The following CFLAR variants were observed in gnomAD, a reference collection of about 807,000 sequenced individuals.
CFLAR encodes the protein CASP8 and FADD-like apoptosis regulator.
A neutral mutation model predicts 51.1 loss-of-function variants in CFLAR; 14 were observed. The ratio of observed to expected loss-of-function variants is 0.27; its 90% CI spans 0.18 to 0.43. The LOEUF (loss-of-function observed/expected upper bound fraction) is 0.43. Among genes scored for constraint, CFLAR ranks in the 20% least tolerant of loss-of-function variants. The probability of loss-of-function intolerance (pLI) is 1.00; values close to 1 mark genes in which losing one functional copy is unlikely to be tolerated. For synonymous variants in CFLAR, 210 were observed against 211.6 expected, an observed-to-expected ratio of 0.99 and a Z score of 0.06; for missense variants, 390 against 566.5, an observed-to-expected ratio of 0.69 and a Z score of 3.16.
intron 1 of CFLAR, among the ~76,000 whole-genome samples, chr2:201,127,698 C>G (rs1158323032): frequency 6.6e-6 from 1 of 152,166 alleles, no homozygotes; most frequent in Non-Finnish European, 1.5e-5. Context: ...TTTGTTGCAT[C>G]TGAGTGGGCT....
At position 201,171,512 on chromosome 2, in the gene CFLAR, C is replaced by T. The variant is rs116616115; in HGVS notation, c.*7539C>T. ...CTGGGGCCTGATGCAGGGGCCGTAG[C>T]GGGGAGAGCATCAGGATAACTAGCT... On this transcript the variant is annotated 3_prime_UTR_variant, in exon 10 of 10. Transcript: ENST00000309955. 4,584 of 152,052 alleles carry T rather than the reference C, an allele frequency of 0.03. 110 individuals carry two copies. Among genetic ancestry groups the T allele is most frequent in the Middle Eastern group, 0.085 (25 of 294 alleles). The allele number at this position is 152,052 out of a possible 1,614,324, so 9.4% of individuals were successfully genotyped here.
At chr2:201,149,104 C>T in intron 7 of CFLAR, 52 bp downstream of exon 7, 1 of 1,210,168 alleles carries the variant, frequency 8.3e-7, no homozygotes, top group Non-Finnish European at 1.2e-6. Flanking sequence ...CTGTGGATAA[C>T]CCTGACTTCT....
intron 1 of CFLAR, among the ~76,000 whole-genome samples, chr2:201,119,839 GTT>G (rs35011582): frequency 5.8e-5 from 7 of 120,770 alleles, no homozygotes; most frequent in South Asian, 2.5e-4. Flanking sequence ...TCAGTTTAAT[GTT>G]TTTTTTTTTT....
intron 5 of CFLAR, among the ~76,000 whole-genome samples, chr2:201,140,983 C>A (rs1202574731): frequency 6.6e-6 from 1 of 152,090 alleles, no homozygotes; most frequent in Non-Finnish European, 1.5e-5. Context: ...GTAATCCCAG[C>A]ACTTTGGGAG....
Position 201,138,428 on chromosome 2 carries a change from A to G in CFLAR, c.524-1929A>G, listed in dbSNP as rs991256428. 2 of 808,740 alleles carry G rather than the reference A, an allele frequency of 2.5e-6. No individual in the cohort carries two copies. Among genetic ancestry groups the G allele is most frequent in the Non-Finnish European group, 4.4e-6 (2 of 451,720 alleles). The allele number at this position is 808,740 out of a possible 1,614,324, so 50.1% of individuals were successfully genotyped here. A position where few individuals can be genotyped will look rare whatever the true frequency, so the allele number is the denominator to read the frequency against. Reference sequence around the variant, plus strand: ...CACCAGCTCATCGCGATCATTGACGATAGGCAGCTTCCTTTCTTACTAAGC... The same window carrying G: ...CACCAGCTCATCGCGATCATTGACGGTAGGCAGCTTCCTTTCTTACTAAGC... On this transcript the variant is annotated intron_variant, in intron 4 of 9. Transcript: ENST00000309955. The surrounding 1 kb of genome is among the most constrained non-coding windows in gnomAD (Gnocchi z 4.0).
chr2:201,148,996 C>T lies in CFLAR; in HGVS notation c.662-7C>T, dbSNP rs1192368596. On this transcript the variant is annotated splice_polypyrimidine_tract_variant and splice_region_variant and intron_variant, in intron 6 of 9. Transcript: ENST00000309955. ...TTTGTAAATGGTTTCTCTCTCTCATCCCCCAGAAGAACCAGTGAAGAAATC... is the reference window on the plus strand; with the variant it reads ...TTTGTAAATGGTTTCTCTCTCTCATTCCCCAGAAGAACCAGTGAAGAAATC... The T allele has an allele frequency of 2.5e-6, 4 of 1,609,372 alleles. No homozygotes were observed. The highest frequency in any genetic ancestry group is 3.3e-5 in the Admixed American group (2 of 60,004).
Position 201,173,534 on chromosome 2 carries a change from G to T in CFLAR, c.*9561G>T, listed in dbSNP as rs1182299734. Reference sequence around the variant, plus strand: ...TTTTTGTATTTTTAGTAAAGACAGGGTTTCACCATGTTGGCCAGGCTGGTC... The same window carrying T: ...TTTTTGTATTTTTAGTAAAGACAGGTTTTCACCATGTTGGCCAGGCTGGTC... On this transcript the variant is annotated 3_prime_UTR_variant, in exon 10 of 10. Coordinates refer to ENST00000309955, the MANE Select transcript of CFLAR (RefSeq NM_003879.7). The T allele has an allele frequency of 6.6e-6, 1 of 152,214 alleles. No homozygotes were observed. The highest frequency in any genetic ancestry group is 1.9e-4 in the East Asian group (1 of 5,200). 9.4% of individuals were successfully genotyped at this position (152,214 alleles called of 1,614,324 possible).
At position 201,161,744 on chromosome 2, in the gene CFLAR, T is replaced by C. The variant is rs13406993; in HGVS notation, c.1304+802T>C. Among the ~76,000 whole-genome samples, 548 of 57,536 alleles carry C rather than the reference T, an allele frequency of 9.5e-3. 14 individuals are homozygous for C. Among genetic ancestry groups the C allele is most frequent in the Non-Finnish European group, 0.014 (335 of 23,940 alleles). The allele number at this position is 57,536 out of a possible 152,430, so 37.7% of individuals were successfully genotyped here. A position where few individuals can be genotyped will look rare whatever the true frequency, so the allele number is the denominator to read the frequency against. ...ATTTTTATTTTTAATTTTTCTTTTT[T>C]TTTTTTTTTTTTTTTTTTTGAGACA... On this transcript the variant is annotated intron_variant, in intron 9 of 9. Transcript: ENST00000309955.
At chr2:201,149,292 C>T (rs1224123113) in intron 7 of CFLAR, 3 of 423,382 alleles carry the variant, frequency 7.1e-6, no homozygotes, top group Non-Finnish European at 1.3e-5. Flanking sequence ...CATCTCAACT[C>T]AGTGACTGCT....
At chr2:201,130,855 C>A (rs528153632) in intron 2 of CFLAR, among the ~76,000 whole-genome samples, 3 of 152,114 alleles carry the variant, frequency 2.0e-5, no homozygotes, top group Non-Finnish European at 4.4e-5. Context: ...TGAAGTCAGT[C>A]CTTGATAATT....
Position 201,175,270 on chromosome 2 carries a change from C to G in CFLAR, c.*11297C>G, listed in dbSNP as rs1181122960. ...CATGCTCTTGAATTCTTTCCTGAAC[C>G]CACTTGACCTCTTGGGCTGAGCCTT... On this transcript the variant is annotated 3_prime_UTR_variant, in exon 10 of 10. Coordinates refer to ENST00000309955, the MANE Select transcript of CFLAR (RefSeq NM_003879.7). 6.6e-6 allele frequency: 1 copy of G among 152,150 alleles called. No homozygotes were observed. Among genetic ancestry groups the G allele is most frequent in the African/African-American group, 2.4e-5 (1 of 41,420 alleles). The allele number at this position is 152,150 out of a possible 1,614,324, so 9.4% of individuals were successfully genotyped here. A position where few individuals can be genotyped will look rare whatever the true frequency, so the allele number is the denominator to read the frequency against.
rs1944000763 is a variant in CFLAR, at chr2:201,171,382, C to T, written c.*7409C>T. On this transcript the variant is annotated 3_prime_UTR_variant, in exon 10 of 10. Transcript: ENST00000309955. ...GGATGAAGCTGGAAGCCATTATCCT[C>T]AGCAAACTAACAGAGGAGCAGGAAA... The T allele has an allele frequency of 6.6e-6, 1 of 152,054 alleles. No homozygotes were observed. Among genetic ancestry groups the T allele is most frequent in the Admixed American group, 6.6e-5 (1 of 15,258 alleles). 9.4% of individuals were successfully genotyped at this position (152,054 alleles called of 1,614,324 possible).
At chr2:201,158,240 C>A (rs1177162723) in intron 8 of CFLAR, among the ~76,000 whole-genome samples, 1 of 152,180 alleles carries the variant, frequency 6.6e-6, no homozygotes, top group African/African-American at 2.4e-5. Flanking sequence ...TGCCCTGCAC[C>A]ACACAGCTGT....
chr2:201,145,603 AT>A, intron 6 of CFLAR, 171 bp downstream of exon 6: 1 of 575,850 alleles, frequency 1.7e-6, no homozygotes, highest in Non-Finnish European at 3.1e-6. Flanking sequence ...CTAGTTGTCT[AT>A]TGAATTAGCT....
chr2:201,137,246 C>T (rs2050257564), intron 4 of CFLAR: 1 of 226,006 alleles, frequency 4.4e-6, no homozygotes, highest in Admixed American at 5.2e-5. Flanking sequence ...GCAAGAAAGA[C>T]CTGAGGCAGG....
Position 201,173,937 on chromosome 2 carries a change from G to A in CFLAR, c.*9964G>A, listed in dbSNP as rs1339129385. On this transcript the variant is annotated 3_prime_UTR_variant, in exon 10 of 10. Coordinates refer to ENST00000309955, the MANE Select transcript of CFLAR (RefSeq NM_003879.7). ...TCTGCCTGCCTCGGCCTCCCAAAAT[G>A]CTAGGATTACAGGCGTGAGCCACCA... The A allele has an allele frequency of 6.6e-6, 1 of 152,244 alleles. No individual in the cohort carries two copies. Among genetic ancestry groups the A allele is most frequent in the Non-Finnish European group, 1.5e-5 (1 of 68,058 alleles). The allele number at this position is 152,244 out of a possible 1,614,324, so 9.4% of individuals were successfully genotyped here. A position where few individuals can be genotyped will look rare whatever the true frequency, so the allele number is the denominator to read the frequency against.
At chr2:201,141,507 G>GT in intron 5 of CFLAR, 1 of 1,472,294 alleles carries the variant, frequency 6.8e-7, no homozygotes, top group Non-Finnish European at 9.0e-7. Context: ...GTTATAATGT[G>GT]TTTAGCCCTT....
chr2:201,136,545 A>G, intron 4 of CFLAR: 4 of 1,492,946 alleles, frequency 2.7e-6, no homozygotes, highest in Non-Finnish European at 3.5e-6. Context: ...CTCCTTATGG[A>G]AAAGAGCACA....
intron 8 of CFLAR, among the ~76,000 whole-genome samples, chr2:201,158,917 G>A (rs1363879550): frequency 6.6e-6 from 1 of 150,826 alleles, no homozygotes; most frequent in Non-Finnish European, 1.5e-5. Context: ...CTGCTCTGTT[G>A]CCCAGGCTGG....
Sources: allele counts gnomAD v4.1 joint callset (sites outside exome capture counted in the v4.1 genomes callset), GRCh38; gene constraint gnomAD v4.1.1; non-coding constraint Gnocchi (gnomAD v3.1); transcripts MANE v1.5; gene names NCBI Gene and HGNC (gene_info 2026-07-23, HGNC 2026-07-21).